The following UROS variants were observed in gnomAD, a reference collection of about 807,000 sequenced individuals.
UROS encodes uroporphyrinogen III synthase.
Under a neutral mutation model 33.0 loss-of-function variants are expected in UROS, and 18 were observed. The ratio of observed to expected loss-of-function variants is 0.55; its 90% CI spans 0.38 to 0.81. The LOEUF (loss-of-function observed/expected upper bound fraction) is 0.81, where lower values mean the gene tolerates loss of function less well. Ranked by LOEUF, UROS falls within the 30% of genes least tolerant of loss-of-function variation. The pLI, the probability that UROS is intolerant of heterozygous loss-of-function variation, is 0.00. For missense variants in UROS, 293 were observed against 314.9 expected (o/e 0.93, Z 0.53); for synonymous variants, 114 against 121.1 (o/e 0.94, Z 0.38).
At chr10:125,786,114 C>A (rs1230328814), downstream of UROS, among the ~76,000 whole-genome samples, 2 of 152,136 alleles carry the variant, frequency 1.3e-5, no homozygotes, top group African/African-American at 4.8e-5. Flanking sequence ...TTCCACCCGG[C>A]TTCCCACATT....
intron 6 of UROS, among the ~76,000 whole-genome samples, chr10:125,799,375 A>G (rs1851622743): frequency 6.6e-6 from 1 of 152,124 alleles, no homozygotes; most frequent in African/African-American, 2.4e-5. Context: ...TTCAGAGGCA[A>G]TTTTCTTCCC....
chr10:125,802,762 T>C lies in UROS; in HGVS notation c.395-4617A>G, dbSNP rs1851950923. 2.8e-6 allele frequency: 4 copies of C among 1,423,340 alleles called. No individual in the cohort carries two copies. In the East Asian group the frequency reaches 1.0e-4, roughly 36 times the overall value. 88.2% of individuals were successfully genotyped at this position (1,423,340 alleles called of 1,614,324 possible). ...GTACAGCCCAGGTAGGGAGGGTAGG[T>C]CTGAGATGGCACGAACTCCCAGCGG... On this transcript the variant is annotated intron_variant, in intron 6 of 9. Transcript: ENST00000368797.
chr10:125,802,225 C>T (rs1851893607), intron 6 of UROS: 2 of 985,562 alleles, frequency 2.0e-6, no homozygotes, highest in Non-Finnish European at 2.4e-6. Context: ...ACCCTCCACA[C>T]TGATGTGTGG....
intron 6 of UROS, among the ~76,000 whole-genome samples, chr10:125,806,510 ATTGT>A (rs1477613161): frequency 2.0e-5 from 3 of 152,150 alleles, no homozygotes; most frequent in Admixed American, 6.5e-5. Context: ...AGCCAAGCCC[ATTGT>A]TTGTTTATTT....
intron 5 of UROS, among the ~76,000 whole-genome samples, chr10:125,809,265 C>T (rs1158005622): frequency 1.3e-5 from 2 of 152,230 alleles, no homozygotes; most frequent in Admixed American, 6.5e-5. Context: ...TACTAAATGG[C>T]GCCCAGGTCC....
chr10:125,812,811 T>C (rs1224209502), intron 4 of UROS, among the ~76,000 whole-genome samples: 1 of 152,200 alleles, frequency 6.6e-6, no homozygotes, highest in Non-Finnish European at 1.5e-5. Flanking sequence ...ACAAACACAA[T>C]TTGATACAGA....
downstream of UROS, chr10:125,785,589 G>A (rs964687852): frequency 6.6e-6 from 1 of 152,116 alleles, no homozygotes; most frequent in Admixed American, 6.5e-5. Context: ...TTGTATTAAC[G>A]CTTAACTCAT....
chr10:125,794,884 A>C lies in UROS; in HGVS notation c.656T>G (p.Ile219Ser), dbSNP rs767029901. ...QELSGDNIDQ[I>S]KFAAIGPTTA... ...AAAGCTCATTGAATAACTTACCTTA[A>C]TTTGATCGATATTGTCACCAGATAA... The change falls in exon 9 of 10, where the codon ATT becomes AGT. Residue 219 changes from isoleucine (I) to serine (S), a missense_variant. Ile to Ser is a moderately radical substitution (Grantham distance 142, BLOSUM62 -2). Coordinates refer to ENST00000368797, the MANE Select transcript of UROS (RefSeq NM_000375.3). 2 of 1,613,096 alleles carry C rather than the reference A, an allele frequency of 1.2e-6. No individual in the cohort carries two copies. The highest frequency in any genetic ancestry group is 4.5e-5 in the East Asian group (2 of 44,878).
chr10:125,802,933 T>G (rs562976014), intron 6 of UROS: 1 of 1,612,088 alleles, frequency 6.2e-7, no homozygotes, highest in African/African-American at 1.3e-5. Context: ...AGGATGCGGC[T>G]AAACCCCAGA....
At chr10:125,789,264 GC>G (rs1850753232) in intron 9 of UROS, 2 of 1,407,320 alleles carry the variant, frequency 1.4e-6, no homozygotes, top group African/African-American at 2.9e-5. Context: ...GGACTTGAAG[GC>G]CCCAGGCTGG....
chr10:125,822,319 ATTT>A (rs544901269), intron 1 of UROS, among the ~76,000 whole-genome samples: 1 of 142,440 alleles, frequency 7.0e-6, no homozygotes. Flanking sequence ...GCCCCGAAGC[ATTT>A]TTTTTTTTTT....
intron 6 of UROS, among the ~76,000 whole-genome samples, chr10:125,798,902 C>G (rs926003098): frequency 6.6e-6 from 1 of 152,226 alleles, no homozygotes; most frequent in Admixed American, 6.5e-5. Flanking sequence ...GATAAGTTGT[C>G]AAATGCCAGA....
At chr10:125,804,559 CCAATA>C (rs1026800076) in intron 6 of UROS, among the ~76,000 whole-genome samples, 1 of 152,192 alleles carries the variant, frequency 6.6e-6, no homozygotes, top group African/African-American at 2.4e-5. Flanking sequence ...CCCTCAGCAT[CCAATA>C]CTTGTATCTA....
At chr10:125,789,152 C>G in intron 9 of UROS, 147 bp from the exon 10 acceptor site, 3 of 1,416,970 alleles carry the variant, frequency 2.1e-6, no homozygotes, top group African/African-American at 2.8e-5. Context: ...ACAACACTGC[C>G]CGATTCTAGC....
Position 125,807,532 on chromosome 10 carries a change from G to C in UROS, c.320-45C>G, listed in dbSNP as rs778834968. On this transcript the variant is annotated intron_variant, in intron 5 of 9. Coordinates refer to ENST00000368797, the MANE Select transcript of UROS (RefSeq NM_000375.3). Reference sequence around the variant, plus strand: ...TGTATTTCTTAACACGGTTATTGAAGTCCTTTTGTTCCAGCGTTATTTTTT... The same window carrying C: ...TGTATTTCTTAACACGGTTATTGAACTCCTTTTGTTCCAGCGTTATTTTTT... 6 of 1,489,180 alleles carry C rather than the reference G, an allele frequency of 4.0e-6. No individual in the cohort carries two copies. In the African/African-American group the frequency reaches 8.3e-5, roughly 21 times the overall value. 92.2% of individuals were successfully genotyped at this position (1,489,180 alleles called of 1,614,324 possible). A position where few individuals can be genotyped will look rare whatever the true frequency, so the allele number is the denominator to read the frequency against.
chr10:125,797,925 C>CT (rs1275477015), intron 7 of UROS, 140 bp downstream of exon 7: 2 of 912,562 alleles, frequency 2.2e-6, no homozygotes, highest in East Asian at 2.5e-5. Flanking sequence ...AGCATGGTCT[C>CT]TGTGTCTCCT....
In UROS at chr10:125,794,933, A is replaced by C. The variant is rs1040841772; in HGVS notation, c.607T>G (p.Tyr203Asp). The change falls in exon 9 of 10, where the codon TAC becomes GAC. Residue 203 changes from tyrosine (Y) to aspartate (D), a missense_variant. By Grantham distance (160) the Tyr-to-Asp change is radical (BLOSUM62 -3). Transcript: ENST00000368797. ...AACTCCTGAATGTGCTTGAGACTGT[A>C]TGTGAGGCCAGAGGGACTAAAAAAT... Reference protein sequence around the residue: ...ITFFSPSGLTYSLKHIQELSG... With the variant: ...ITFFSPSGLTDSLKHIQELSG... 6.2e-7 allele frequency: 1 copy of C among 1,614,086 alleles called. No homozygotes were observed. Among genetic ancestry groups the C allele is most frequent in the Non-Finnish European group, 8.5e-7 (1 of 1,180,034 alleles).
Position 125,816,445 on chromosome 10 carries a change from AC to A in UROS, c.54del (p.Tyr19IlefsTer5). 1.2e-6 allele frequency: 2 copies of A among 1,614,168 alleles called. No individual in the cohort carries two copies. Among genetic ancestry groups the A allele is most frequent in the East Asian group, 4.5e-5 (2 of 44,886 alleles). On this transcript the variant is annotated frameshift_variant, in exon 2 of 10. Transcript: ENST00000368797. LOFTEE classifies it high-confidence loss of function. ...AGTCTCAGGCCACTTACCCTGATATACGGATCCTGGCCACAGTCATCTTCCT... is the reference window on the plus strand; with the variant it reads ...AGTCTCAGGCCACTTACCCTGATATAGGATCCTGGCCACAGTCATCTTCCT... ...DAKEDDCGQDPYIRELGLYGL... is the reference protein window; with the variant it reads ...DAKEDDCGQDXYIRELGLYGL...
intron 3 of UROS, 47 bp downstream of exon 3, chr10:125,816,130 G>A (rs970586331): frequency 1.9e-6 from 3 of 1,551,176 alleles, no homozygotes; most frequent in East Asian, 2.2e-5. Context: ...CAGCTGGCAA[G>A]GGAGAAATCA....
Sources: gnomAD v4.1 joint callset for allele counts (sites outside exome capture counted in the v4.1 genomes callset) on GRCh38, gnomAD v4.1.1 for gene constraint, MANE v1.5 for transcripts, NCBI Gene and HGNC (gene_info 2026-07-23, HGNC 2026-07-21) for gene names.